The following PKNOX1 variants were observed in gnomAD, a reference collection of about 807,000 sequenced individuals.
The protein encoded by PKNOX1 is homeobox protein PKNOX1.
Under a neutral mutation model 51.9 loss-of-function variants are expected in PKNOX1, and 15 were observed. That is an observed-to-expected ratio of 0.29 (90% CI 0.19 to 0.45). The LOEUF (loss-of-function observed/expected upper bound fraction) is 0.45, where lower values mean the gene tolerates loss of function less well. Ranked by LOEUF, PKNOX1 falls within the 20% of genes least tolerant of loss-of-function variation. The pLI, the probability that PKNOX1 is intolerant of heterozygous loss-of-function variation, is 1.00. For synonymous variants in PKNOX1, 219 were observed against 211.1 expected (o/e 1.04, Z -0.32); for missense variants, 462 against 547.5 (o/e 0.84, Z 1.56).
At chr21:43,003,171 C>G (rs1978837110) in intron 1 of PKNOX1, among the ~76,000 whole-genome samples, 1 of 152,230 alleles carries the variant, frequency 6.6e-6, no homozygotes, top group Admixed American at 6.5e-5. Context: ...AGTGGCACAA[C>G]TGCCCTTGAC....
chr21:42,994,964 C>T (rs1978431395), intron 1 of PKNOX1, among the ~76,000 whole-genome samples: 1 of 145,566 alleles, frequency 6.9e-6, no homozygotes, highest in Admixed American at 6.9e-5. Context: ...CTCTGTCGCC[C>T]AGGCTGGAGT....
chr21:43,026,670 T>C (rs1486994999), intron 9 of PKNOX1, among the ~76,000 whole-genome samples: 1 of 152,138 alleles, frequency 6.6e-6, no homozygotes, highest in Non-Finnish European at 1.5e-5. Flanking sequence ...GGCAGTAGAA[T>C]GGCTTGAACT....
chr21:43,023,389 C>T (rs529633200), intron 8 of PKNOX1, among the ~76,000 whole-genome samples: 2 of 152,180 alleles, frequency 1.3e-5, no homozygotes, highest in South Asian at 2.1e-4. Context: ...ACGCCGCACT[C>T]AGTGTTCCTT....
chr21:43,008,607 G>C (rs1455312839), intron 3 of PKNOX1, among the ~76,000 whole-genome samples: 1 of 152,034 alleles, frequency 6.6e-6, no homozygotes, highest in Non-Finnish European at 1.5e-5. Flanking sequence ...GCGAAACCCT[G>C]TCTCTACCAA....
intron 1 of PKNOX1, among the ~76,000 whole-genome samples, chr21:42,987,398 A>ATATATATATATAT (rs1555858083): frequency 1.3e-3 from 121 of 91,800 alleles, no homozygotes; most frequent in African/African-American, 5.6e-3. Context: ...AAAAAAAAAA[A>ATATATATATATAT]AAAAAAATAT....
chr21:43,013,524 GA>G (rs1332457163), intron 5 of PKNOX1, among the ~76,000 whole-genome samples: 3 of 151,944 alleles, frequency 2.0e-5, no homozygotes, highest in African/African-American at 7.3e-5. Context: ...TTATTCTTTT[GA>G]AAAATTGTGT....
chr21:42,994,199 C>T (rs1183858218), intron 1 of PKNOX1, among the ~76,000 whole-genome samples: 1 of 142,558 alleles, frequency 7.0e-6, no homozygotes, highest in Non-Finnish European at 1.5e-5. Flanking sequence ...TGCCATCATG[C>T]CCAGCTAAAT....
chr21:43,011,091 G>A (rs1422475336), intron 4 of PKNOX1, among the ~76,000 whole-genome samples: 4 of 145,258 alleles, frequency 2.8e-5, no homozygotes, highest in South Asian at 2.2e-4. Flanking sequence ...TTTTTGAGAC[G>A]GAGTCTCGCT....
At chr21:43,002,581 T>C (rs1978812240) in intron 1 of PKNOX1, among the ~76,000 whole-genome samples, 1 of 152,298 alleles carries the variant, frequency 6.6e-6, no homozygotes, top group South Asian at 2.1e-4. Context: ...TTCTAAGGTG[T>C]AAGTGGCATC....
intron 1 of PKNOX1, among the ~76,000 whole-genome samples, chr21:42,989,594 T>C (rs1333600567): frequency 6.6e-6 from 1 of 151,942 alleles, no homozygotes; most frequent in Non-Finnish European, 1.5e-5. Context: ...AATTTTTGCA[T>C]TTTTAGTAGA....
chr21:42,987,404 A>AAATATATATATATATATATATATATATAT, intron 1 of PKNOX1, among the ~76,000 whole-genome samples: 2 of 41,410 alleles, frequency 4.8e-5, no homozygotes, highest in Non-Finnish European at 9.6e-5. Flanking sequence ...AAAAAAAAAA[A>AAATATATATATATATATATATATATATAT]ATATATATAT....
intron 1 of PKNOX1, among the ~76,000 whole-genome samples, chr21:42,991,263 G>A (rs1276159899): frequency 2.6e-5 from 4 of 151,426 alleles, no homozygotes; most frequent in Non-Finnish European, 5.9e-5. Flanking sequence ...AAGGTGGGAG[G>A]ATCGCTTGAA....
At position 42,980,427 on chromosome 21, in the gene PKNOX1, C is replaced by T. The variant is rs151023248; in HGVS notation, c.-57+5763C>T. ...AAATAGCAGAAATAGAAAGGTGCTA[C>T]TTATGAGAAGTAACATCCTATTTGC... On this transcript the variant is annotated intron_variant, in intron 1 of 10. Coordinates refer to ENST00000291547, the MANE Select transcript of PKNOX1 (RefSeq NM_004571.5). 3.3e-3 allele frequency among the ~76,000 whole-genome samples: 500 copies of T among 152,166 alleles called. 2 individuals carry two copies. The highest frequency in any genetic ancestry group is 0.012 in the African/African-American group (484 of 41,512).
At position 43,028,814 on chromosome 21, in the gene PKNOX1, C is replaced by T; in HGVS notation, c.1039C>T (p.Pro347Ser). The T allele has an allele frequency of 1.2e-6, 2 of 1,614,110 alleles. No homozygotes were observed. Among genetic ancestry groups the T allele is most frequent in the Non-Finnish European group, 1.7e-6 (2 of 1,180,014 alleles). Reference sequence around the variant, plus strand: ...GAACCGGCCAGTTCAGAGGTTTTGGCCTGATTCTATTGCATCAGGAGTCGC... The same window carrying T: ...GAACCGGCCAGTTCAGAGGTTTTGGTCTGATTCTATTGCATCAGGAGTCGC... ...AQNRPVQRFW[P>S]DSIASGVAQP... The change falls in exon 10 of 11, where the codon CCT becomes TCT. Residue 347 changes from proline to serine, a missense_variant. Pro to Ser is a moderately conservative substitution (Grantham distance 74, BLOSUM62 -1). Coordinates refer to ENST00000291547, the MANE Select transcript of PKNOX1 (RefSeq NM_004571.5).
Position 43,032,340 on chromosome 21 carries a change from G to GT in PKNOX1, c.*2239_*2240insT. On this transcript the variant is annotated 3_prime_UTR_variant, in exon 11 of 11. Coordinates refer to ENST00000291547, the MANE Select transcript of PKNOX1 (RefSeq NM_004571.5). ...TCCCTCACCACCCTCCGTCTCTTCG[G>GT]CTGCTTGCTCTTTAGTGTAGATTAG... 8.9e-6 allele frequency: 3 copies of GT among 335,484 alleles called. No individual in the cohort carries two copies. The highest frequency in any genetic ancestry group is 3.8e-5 in the South Asian group (2 of 52,848). The allele number at this position is 335,484 out of a possible 1,614,324, so 20.8% of individuals were successfully genotyped here. A position where few individuals can be genotyped will look rare whatever the true frequency, so the allele number is the denominator to read the frequency against.
chr21:42,985,328 T>TTTTG (rs374868621), intron 1 of PKNOX1, among the ~76,000 whole-genome samples: 21 of 152,050 alleles, frequency 1.4e-4, no homozygotes, highest in Admixed American at 2.0e-4. Flanking sequence ...GTTTTTTGGT[T>TTTTG]TTTGTTTGTT....
intron 2 of PKNOX1, among the ~76,000 whole-genome samples, chr21:43,005,802 C>T (rs1246992821): frequency 1.3e-5 from 2 of 152,110 alleles, no homozygotes; most frequent in East Asian, 3.9e-4. Context: ...CCACTGCTGC[C>T]TCCTGTGCAC....
At chr21:43,009,009 T>C (rs569523756) in intron 3 of PKNOX1, among the ~76,000 whole-genome samples, 29 of 152,258 alleles carry the variant, frequency 1.9e-4, no homozygotes, top group Admixed American at 5.2e-4. Flanking sequence ...AATGCAAGAA[T>C]ATTTAGCAGT....
At chr21:43,017,136 G>C in intron 6 of PKNOX1, 129 bp downstream of exon 6, 1 of 556,866 alleles carries the variant, frequency 1.8e-6, no homozygotes, top group Non-Finnish European at 3.2e-6. Context: ...TTAGAAGCTA[G>C]AGGTCTCTGA....
Sources: allele counts gnomAD v4.1 joint callset (sites outside exome capture counted in the v4.1 genomes callset), GRCh38; gene constraint gnomAD v4.1.1; transcripts MANE v1.5; gene names NCBI Gene and HGNC (gene_info 2026-07-23, HGNC 2026-07-21).